PDGFC: variants seen among roughly 807,000 people sequenced by gnomAD.
PDGFC encodes platelet-derived growth factor C.
Under a neutral mutation model 35.5 loss-of-function variants are expected in PDGFC, and 12 were observed. That is an observed-to-expected ratio of 0.34 (90% CI 0.22 to 0.55). The LOEUF is 0.55. PDGFC is among the 20% of genes least tolerant of loss of function. The pLI, the probability that PDGFC is intolerant of heterozygous loss-of-function variation, is 0.91. For missense variants in PDGFC, 322 were observed against 412.4 expected (o/e 0.78, Z 1.90); for synonymous variants, 159 against 148.8 (o/e 1.07, Z -0.50).
intron 1 of PDGFC, among the ~76,000 whole-genome samples, chr4:156,903,106 T>A (rs28564375): frequency 6.1e-3 from 273 of 44,600 alleles, no homozygotes; most frequent in African/African-American, 0.015. Flanking sequence ...AGAGAGAGAG[T>A]GTGTGTGTGT....
intron 2 of PDGFC, among the ~76,000 whole-genome samples, chr4:156,831,251 G>C (rs902571768): frequency 6.6e-6 from 1 of 151,984 alleles, no homozygotes; most frequent in African/African-American, 2.4e-5. Context: ...ACCAATATTT[G>C]TACTCTTGAA....
intron 1 of PDGFC, among the ~76,000 whole-genome samples, chr4:156,968,521 TAGA>T (rs1003642818): frequency 5.5e-4 from 84 of 152,032 alleles, no homozygotes; most frequent in Admixed American, 1.0e-3. Context: ...GAAGAAGAAG[TAGA>T]AGTAGTAGTA....
At chr4:156,906,908 G>T (rs1182277193) in intron 1 of PDGFC, among the ~76,000 whole-genome samples, 1 of 152,128 alleles carries the variant, frequency 6.6e-6, no homozygotes, top group Non-Finnish European at 1.5e-5. Flanking sequence ...TGGGATCTCA[G>T]CTCTGCCCCT....
chr4:156,892,214 T>C (rs188731382), intron 1 of PDGFC, among the ~76,000 whole-genome samples: 63 of 152,256 alleles, frequency 4.1e-4, no homozygotes, highest in Middle Eastern at 3.4e-3. Flanking sequence ...CACCAGTAAA[T>C]GCTGGGAACC....
At chr4:156,964,036 G>C (rs1189527965) in intron 1 of PDGFC, among the ~76,000 whole-genome samples, 1 of 149,622 alleles carries the variant, frequency 6.7e-6, no homozygotes, top group East Asian at 1.9e-4. Context: ...AGAATATAGT[G>C]TAAATAAAAG....
chr4:156,936,787 G>A (rs1294188259), intron 1 of PDGFC, among the ~76,000 whole-genome samples: 1 of 152,174 alleles, frequency 6.6e-6, no homozygotes, highest in Non-Finnish European at 1.5e-5. Context: ...CAGTAATCAG[G>A]AATACTATCG....
intron 1 of PDGFC, among the ~76,000 whole-genome samples, chr4:156,951,725 C>T (rs542027813): frequency 9.0e-4 from 131 of 145,706 alleles, no homozygotes; most frequent in African/African-American, 3.2e-3. Context: ...TCCACTCTAC[C>T]TTATAGAAAA....
chr4:156,966,007 T>C (rs1732457489), intron 1 of PDGFC, among the ~76,000 whole-genome samples: 1 of 152,074 alleles, frequency 6.6e-6, no homozygotes, highest in Non-Finnish European at 1.5e-5. Flanking sequence ...GGTCCATTTG[T>C]CTTAGAGGAG....
chr4:156,888,672 T>C (rs577477132), intron 1 of PDGFC, among the ~76,000 whole-genome samples: 57 of 152,306 alleles, frequency 3.7e-4, no homozygotes, highest in African/African-American at 1.3e-3. Flanking sequence ...TTTTCTAAAA[T>C]TCACATCACT....
chr4:156,935,724 G>A (rs772894780), intron 1 of PDGFC, among the ~76,000 whole-genome samples: 12 of 152,118 alleles, frequency 7.9e-5, no homozygotes, highest in South Asian at 6.2e-4. Flanking sequence ...CCAGGAACTC[G>A]CAGGAACCTA....
chr4:156,865,350 C>A (rs1729814745), intron 1 of PDGFC, among the ~76,000 whole-genome samples: 2 of 152,038 alleles, frequency 1.3e-5, no homozygotes, highest in South Asian at 4.1e-4. Flanking sequence ...TTAGAACAAT[C>A]TAGGAATTCT....
At chr4:156,772,182 G>C (rs2110815051) in intron 4 of PDGFC, among the ~76,000 whole-genome samples, 1 of 152,102 alleles carries the variant, frequency 6.6e-6, no homozygotes, top group Non-Finnish European at 1.5e-5. Context: ...ATTTTATGTT[G>C]GGTCGTTGCC....
At chr4:156,830,635 C>T (rs1489294223) in intron 2 of PDGFC, among the ~76,000 whole-genome samples, 2 of 152,184 alleles carry the variant, frequency 1.3e-5, no homozygotes, top group African/African-American at 4.8e-5. Context: ...AGGTCAAGAA[C>T]GTACTTTATA....
intron 1 of PDGFC, chr4:156,876,613 T>C (rs1037099654): frequency 5.9e-5 from 9 of 152,306 alleles, no homozygotes; most frequent in Admixed American, 1.3e-4. Context: ...AGTTCAGTCA[T>C]TGTGTACACT....
At chr4:156,790,673 T>C (rs1200994617) in intron 3 of PDGFC, among the ~76,000 whole-genome samples, 2 of 152,228 alleles carry the variant, frequency 1.3e-5, no homozygotes, top group African/African-American at 2.4e-5. Flanking sequence ...AACAAAAATA[T>C]TAACCTCAAG....
intron 1 of PDGFC, among the ~76,000 whole-genome samples, chr4:156,850,854 A>C (rs1022680170): frequency 1.3e-5 from 2 of 152,156 alleles, no homozygotes; most frequent in Non-Finnish European, 2.9e-5. Context: ...ACAGTCAACT[A>C]ATTATTCAAA....
chr4:156,967,409 C>T (rs1732491954), intron 1 of PDGFC: 1 of 152,106 alleles, frequency 6.6e-6, no homozygotes, highest in African/African-American at 2.4e-5. Flanking sequence ...CCACATGCCA[C>T]AAAAGCCCTT....
intron 1 of PDGFC, among the ~76,000 whole-genome samples, chr4:156,902,357 CAT>C (rs1289475376): frequency 2.0e-5 from 3 of 152,110 alleles, no homozygotes; most frequent in Admixed American, 6.5e-5. Context: ...ATGAAACTAA[CAT>C]AAAGTCACAG....
At chr4:156,933,015 T>C (rs1318789182) in intron 1 of PDGFC, among the ~76,000 whole-genome samples, 1 of 152,186 alleles carries the variant, frequency 6.6e-6, no homozygotes, top group Non-Finnish European at 1.5e-5. Flanking sequence ...GGCTTGTCTG[T>C]TGAGAACCTA....
Sources: allele counts gnomAD v4.1 joint callset (sites outside exome capture counted in the v4.1 genomes callset), GRCh38; gene constraint gnomAD v4.1.1; transcripts MANE v1.5; gene names NCBI Gene and HGNC (gene_info 2026-07-23, HGNC 2026-07-21).